PCDH15: variants seen among roughly 807,000 people sequenced by gnomAD.
The protein encoded by PCDH15 is protocadherin-15.
Under a neutral mutation model 178.5 loss-of-function variants are expected in PCDH15, and 129 were observed. The observed-to-expected ratio is 0.72, with a 90% CI of 0.63 to 0.84. The LOEUF is 0.84. Among genes scored for constraint, PCDH15 ranks in the 40% least tolerant of loss-of-function variants. PCDH15 has a pLI of 0.00. For missense variants in PCDH15, 2,230 were observed against 2,099.9 expected (o/e 1.06, Z -1.21); for synonymous variants, 800 against 732.0 (o/e 1.09, Z -1.50).
chr10:54,186,339 T>A (rs2048472008), intron 11 of PCDH15, among the ~76,000 whole-genome samples: 1 of 152,030 alleles, frequency 6.6e-6, no homozygotes, highest in Admixed American at 6.6e-5. Context: ...AATTGTTAAA[T>A]GTGTTTAATT....
intron 2 of PCDH15, among the ~76,000 whole-genome samples, chr10:55,497,116 G>T (rs1027248833): frequency 1.3e-5 from 2 of 151,652 alleles, no homozygotes; most frequent in African/African-American, 4.8e-5. Context: ...TAAAATATCA[G>T]AATACATCAT....
Position 53,806,171 on chromosome 10 carries a change from CTT to C in PCDH15, c.*406_*407del, listed in dbSNP as rs1204008174. ...ATTGCCTGTAAATATCCTCTTACTT[CTT>C]TTTTGCCCTTTTGGCTATGGAAAAT... On this transcript the variant is annotated 3_prime_UTR_variant, in exon 38 of 38. Transcript: ENST00000644397. 1 of 172,786 alleles carries C rather than the reference CTT, an allele frequency of 5.8e-6. No homozygotes were observed. The highest frequency in any genetic ancestry group is 1.2e-5 in the Non-Finnish European group (1 of 80,648). 10.7% of individuals were successfully genotyped at this position (172,786 alleles called of 1,614,324 possible). A position where few individuals can be genotyped will look rare whatever the true frequency, so the allele number is the denominator to read the frequency against.
chr10:53,827,453 G>C lies in PCDH15; in HGVS notation c.4307C>G (p.Pro1436Arg), dbSNP rs555694787. Residue 1436 changes from proline (P) to arginine (R), a missense_variant, in exon 32 of 38, where the codon CCG (proline) becomes CGG (arginine). Pro to Arg is a moderately radical substitution (Grantham distance 103). Coordinates refer to ENST00000644397, the MANE Select transcript of PCDH15 (RefSeq NM_001384140.1). ...ACCTGGCGGAGGCGGCGGCGGCGGC[G>C]GGGGCGCTGCCACTGGTGCAGGAGC... ...VPAPAPVAAP[P>R]PPPPPPPGAH... The C allele has an allele frequency of 2.5e-6, 4 of 1,613,548 alleles. No individual in the cohort carries two copies. The highest frequency in any genetic ancestry group is 2.7e-5 in the African/African-American group (2 of 75,034).
In PCDH15 at chr10:55,004,868, A is replaced by C. The variant is rs140491513; in HGVS notation, c.-79-107368T>G. Among the ~76,000 whole-genome samples, 323 of 152,266 alleles carry C rather than the reference A, an allele frequency of 2.1e-3. 4 individuals are homozygous for C. Among genetic ancestry groups the C allele is most frequent in the Middle Eastern group, 0.01 (3 of 294 alleles). The stretch of plus-strand genomic sequence containing the variant: ...GTATGCTAAGGACAATAACTTTGAA[A>C]TATGGGGATAGTTCCAGTATTAAAA... On this transcript the variant is annotated intron_variant, in intron 2 of 5. Coordinates refer to the PCDH15 transcript ENST00000458638.
intron 1 of PCDH15, among the ~76,000 whole-genome samples, chr10:54,784,969 G>A (rs940118033): frequency 6.6e-6 from 1 of 151,690 alleles, no homozygotes; most frequent in African/African-American, 2.4e-5. Context: ...TTTCCATCAT[G>A]TCAGTCATCA....
chr10:55,575,472 C>T lies in PCDH15; in HGVS notation c.-156+52153G>A, dbSNP rs77715143. On this transcript the variant is annotated intron_variant, in intron 2 of 5. Coordinates refer to the PCDH15 transcript ENST00000613346. ...CAATAGACTTGGTAGCCAAATGATA[C>T]CATTAATTCAACCCCATACTGGAAA... Among the ~76,000 whole-genome samples, 1,505 of 152,072 alleles carry T rather than the reference C, an allele frequency of 9.9e-3. 32 individuals carry two copies. The highest frequency in any genetic ancestry group is 0.035 in the African/African-American group (1,441 of 41,486).
chr10:54,181,414 AG>A lies in PCDH15; in HGVS notation c.1590+2029del, dbSNP rs758323709. Among the ~76,000 whole-genome samples, 9 of 152,220 alleles carry A rather than the reference AG, an allele frequency of 5.9e-5. No homozygotes were observed. The East Asian group carries it at 1.4e-3, about 23-fold the overall frequency. ...TAATTTTAACTTTTATTTCAGATTC[AG>A]GGGGTACATACGCAAGTTTATTACC... is the stretch of plus-strand genomic sequence containing the variant. On this transcript the variant is annotated intron_variant, in intron 13 of 37. Coordinates refer to ENST00000644397, the MANE Select transcript of PCDH15 (RefSeq NM_001384140.1).
At chr10:55,108,625 T>A (rs1012692071) in intron 2 of PCDH15, among the ~76,000 whole-genome samples, 2 of 152,096 alleles carry the variant, frequency 1.3e-5, no homozygotes, top group African/African-American at 4.8e-5. Flanking sequence ...GATATCAAAA[T>A]ATAAACTGTA....
intron 3 of PCDH15, among the ~76,000 whole-genome samples, chr10:54,389,683 A>C (rs1380821276): frequency 6.6e-6 from 1 of 152,092 alleles, no homozygotes; most frequent in Non-Finnish European, 1.5e-5. Flanking sequence ...TCACGCCTGT[A>C]ATCCCAGCAC....
At chr10:54,829,376 C>T (rs1200270375) in intron 3 of PCDH15, among the ~76,000 whole-genome samples, 2 of 151,864 alleles carry the variant, frequency 1.3e-5, no homozygotes, top group Non-Finnish European at 2.9e-5. Context: ...AACAAAAAGG[C>T]CATACTGGTG....
chr10:53,940,171 C>A (rs1310058084), intron 24 of PCDH15, among the ~76,000 whole-genome samples: 1 of 151,012 alleles, frequency 6.6e-6, no homozygotes, highest in African/African-American at 2.4e-5. Context: ...TGACTACCTA[C>A]AATATACTAG....
At chr10:54,715,542 C>T (rs1458010867) in intron 1 of PCDH15, among the ~76,000 whole-genome samples, 1 of 152,102 alleles carries the variant, frequency 6.6e-6, no homozygotes, top group Non-Finnish European at 1.5e-5. Flanking sequence ...AGATAGTGGG[C>T]AAGCCACCCC....
intron 2 of PCDH15, among the ~76,000 whole-genome samples, chr10:54,927,902 G>A (rs916771450): frequency 6.6e-6 from 1 of 151,930 alleles, no homozygotes; most frequent in Non-Finnish European, 1.5e-5. Context: ...TTGCCACTCT[G>A]TGCCTTTTAA....
intron 2 of PCDH15, among the ~76,000 whole-genome samples, chr10:55,555,658 A>G (rs1842075977): frequency 6.6e-6 from 1 of 152,144 alleles, no homozygotes; most frequent in Non-Finnish European, 1.5e-5. Context: ...ATAGATGTAG[A>G]AAATATCCTA....
At chr10:54,550,519 G>A (rs9787425) in intron 2 of PCDH15, among the ~76,000 whole-genome samples, 53,104 of 151,714 alleles carry the variant, frequency 0.35, 9,605 homozygotes, top group East Asian at 0.52. Flanking sequence ...TCACATGTGC[G>A]TGCACACACA....
chr10:55,559,974 T>C (rs1280507905), intron 2 of PCDH15, among the ~76,000 whole-genome samples: 1 of 151,938 alleles, frequency 6.6e-6, no homozygotes, highest in South Asian at 2.1e-4. Flanking sequence ...AGGCAGTGAT[T>C]ATACGCCTAG....
intron 1 of PCDH15, among the ~76,000 whole-genome samples, chr10:55,267,254 C>G (rs1160433878): frequency 6.6e-6 from 1 of 152,086 alleles, no homozygotes; most frequent in Admixed American, 6.5e-5. Context: ...CTCTGTTTAT[C>G]TAACTATTAT....
intron 3 of PCDH15, among the ~76,000 whole-genome samples, chr10:54,843,872 T>C (rs1953460896): frequency 6.6e-6 from 1 of 151,946 alleles, no homozygotes; most frequent in African/African-American, 2.4e-5. Context: ...CAATGAACAA[T>C]TGGACAAATG....
chr10:54,174,702 C>CTTTTTTTTTTTTTTTT (rs1169302544), intron 13 of PCDH15, among the ~76,000 whole-genome samples: 19 of 84,040 alleles, frequency 2.3e-4, no homozygotes, highest in African/African-American at 4.0e-4. Context: ...TTTTTCTTTT[C>CTTTTTTTTTTTTTTTT]TTTTTTTTTT....
Sources: allele counts gnomAD v4.1 joint callset (sites outside exome capture counted in the v4.1 genomes callset), GRCh38; gene constraint gnomAD v4.1.1; transcripts MANE v1.5; gene names NCBI Gene and HGNC (gene_info 2026-07-23, HGNC 2026-07-21).